Variants in TENT4B observed in about 807,000 individuals in gnomAD.
TENT4B encodes PAP associated domain containing 5.
TENT4B carries 10 observed loss-of-function variants against 75.0 expected under a neutral mutation model. That is an observed-to-expected ratio of 0.13 (90% CI 0.08 to 0.23). TENT4B has a LOEUF of 0.23. TENT4B is among the 10% of genes least tolerant of loss of function. The pLI, the probability that TENT4B is intolerant of heterozygous loss-of-function variation, is 1.00. For missense variants in TENT4B, 579 were observed against 893.8 expected, an observed-to-expected ratio of 0.65 and a Z score of 4.49; for synonymous variants, 350 against 357.7, an observed-to-expected ratio of 0.98 and a Z score of 0.24.
chr16:50,231,883 T>G lies in TENT4B; in HGVS notation c.*2555T>G. ...TTTCATCTATTTGACTCCTATCTTATTTCTTTTTTGAGTTTTAATACTTCC... is the reference window on the plus strand; with the variant it reads ...TTTCATCTATTTGACTCCTATCTTAGTTCTTTTTTGAGTTTTAATACTTCC... On this transcript the variant is annotated 3_prime_UTR_variant, in exon 12 of 12. Coordinates refer to ENST00000561678, the MANE Select transcript of TENT4B (RefSeq NM_001365324.3). 1.0e-6 allele frequency: 1 copy of G among 982,086 alleles called. No individual in the cohort carries two copies. Among genetic ancestry groups the G allele is most frequent in the Non-Finnish European group, 1.2e-6 (1 of 826,820 alleles). 60.8% of individuals were successfully genotyped at this position (982,086 alleles called of 1,614,324 possible). A position where few individuals can be genotyped will look rare whatever the true frequency, so the allele number is the denominator to read the frequency against.
intron 1 of TENT4B, among the ~76,000 whole-genome samples, chr16:50,189,237 AG>A (rs1364411077): frequency 5.3e-5 from 8 of 152,138 alleles, no homozygotes; most frequent in Non-Finnish European, 1.0e-4. Flanking sequence ...TTACCACATT[AG>A]TTTTTTTTAA....
Position 50,153,683 on chromosome 16 carries a change from T to G in TENT4B, c.62T>G (p.Met21Arg). The change falls in exon 1 of 12, where the codon ATG becomes AGG. Residue 21 changes from methionine to arginine, a missense_variant. Met to Arg is a moderately conservative substitution (Grantham distance 91). This residue lies in a region of TENT4B where 253 missense variants were observed against 270.1 expected (regional missense o/e 0.94). Transcript: ENST00000561678. ...EQLGPSNSLWMQIWETTQGLR... is the reference protein window; with the variant it reads ...EQLGPSNSLWRQIWETTQGLR... ...CTCGGACCGTCCAACAGTCTGTGGA[T>G]GCAGATCTGGGAGACGACCCAGGGG... 2.0e-6 allele frequency: 2 copies of G among 1,021,344 alleles called. No homozygotes were observed. Among genetic ancestry groups the G allele is most frequent in the Non-Finnish European group, 2.3e-6 (2 of 854,538 alleles). 63.3% of individuals were successfully genotyped at this position (1,021,344 alleles called of 1,614,324 possible).
At position 50,233,709 on chromosome 16, in the gene TENT4B, G is replaced by T; in HGVS notation, c.*4381G>T. On this transcript the variant is annotated 3_prime_UTR_variant, in exon 12 of 12. Coordinates refer to ENST00000561678, the MANE Select transcript of TENT4B (RefSeq NM_001365324.3). ...GGTTTTTTTAAAAAAAATGTGTTTG[G>T]CCTTTACATTTTCTACTTAAGTGTG... The T allele has an allele frequency of 1.0e-6, 1 of 984,690 alleles. No homozygotes were observed. The highest frequency in any genetic ancestry group is 1.7e-5 in the African/African-American group (1 of 57,202). The allele number at this position is 984,690 out of a possible 1,614,324, so 61.0% of individuals were successfully genotyped here.
rs1284927049 is a variant in TENT4B at position 50,153,455 on chromosome 16, C to T, written c.-167C>T. 4.7e-5 allele frequency: 44 copies of T among 942,008 alleles called. No individual in the cohort carries two copies. The highest frequency in any genetic ancestry group is 5.4e-5 in the Non-Finnish European group (43 of 793,358). 58.4% of individuals were successfully genotyped at this position (942,008 alleles called of 1,614,324 possible). A position where few individuals can be genotyped will look rare whatever the true frequency, so the allele number is the denominator to read the frequency against. On this transcript the variant is annotated 5_prime_UTR_variant, in exon 1 of 12. Coordinates refer to ENST00000561678, the MANE Select transcript of TENT4B (RefSeq NM_001365324.3). Reference sequence around the variant, plus strand: ...CGACGCCGCCGGCGCCGGCCGGGCTCCCTGCGCGACCGCGCCGCCCGCGGC... The same window carrying T: ...CGACGCCGCCGGCGCCGGCCGGGCTTCCTGCGCGACCGCGCCGCCCGCGGC...
In TENT4B at chr16:50,222,401, T is replaced by C. The variant is rs2031869359; in HGVS notation, c.1134T>C (p.Tyr378=). 1.2e-6 allele frequency: 2 copies of C among 1,613,390 alleles called. No homozygotes were observed. Among genetic ancestry groups the C allele is most frequent in the Non-Finnish European group, 1.7e-6 (2 of 1,179,670 alleles). Reference sequence around the variant, plus strand: ...TATTTACAGGTGGAATTGGTTCTTATAGTCTCTTTTTAATGGCAGTCAGTT... The same window carrying C: ...TATTTACAGGTGGAATTGGTTCTTACAGTCTCTTTTTAATGGCAGTCAGTT... ...NEVFTGGIGS[Y]SLFLMAVSFL... Residue 378 remains tyrosine (Y), a synonymous_variant, in exon 6 of 12, where the codon TAT becomes TAC. Coordinates refer to ENST00000561678, the MANE Select transcript of TENT4B (RefSeq NM_001365324.3).
upstream of TENT4B, chr16:50,152,969 G>T: frequency 6.6e-7 from 1 of 1,513,602 alleles, no homozygotes; most frequent in Non-Finnish European, 8.8e-7. Context: ...CCTCGTCCAC[G>T]CTCAGCACCG....
Position 50,229,340 on chromosome 16 carries a change from C to T in TENT4B, c.*12C>T, listed in dbSNP as rs752512535. ...ACCTCTGTAGATAGTCAGCGCTGCG[C>T]GGTGGACTGTCTTCTCTGTGCAATG... On this transcript the variant is annotated 3_prime_UTR_variant, in exon 12 of 12. Coordinates refer to ENST00000561678, the MANE Select transcript of TENT4B (RefSeq NM_001365324.3). 38 of 1,601,900 alleles carry T rather than the reference C, an allele frequency of 2.4e-5. No individual in the cohort carries two copies. In the South Asian group the frequency reaches 2.9e-4, roughly 12 times the overall value.
chr16:50,163,417 C>CTTTT (rs559720798), intron 1 of TENT4B, among the ~76,000 whole-genome samples: 3 of 132,982 alleles, frequency 2.3e-5, no homozygotes, highest in Non-Finnish European at 4.9e-5. Flanking sequence ...GATATAATTT[C>CTTTT]TTTTTTTTTT....
chr16:50,175,920 C>T (rs2038298950), intron 1 of TENT4B, among the ~76,000 whole-genome samples: 1 of 151,860 alleles, frequency 6.6e-6, no homozygotes, highest in South Asian at 2.1e-4. Context: ...GTAGCTGGGA[C>T]TACAGGTGAG....
chr16:50,213,564 T>C (rs1182091747), intron 2 of TENT4B, among the ~76,000 whole-genome samples: 1 of 152,182 alleles, frequency 6.6e-6, no homozygotes, highest in Non-Finnish European at 1.5e-5. Flanking sequence ...AGACTCCTGC[T>C]TAGAGAACAA....
chr16:50,227,765 AT>A, intron 10 of TENT4B, 73 bp from the exon 11 acceptor site: 1 of 1,538,622 alleles, frequency 6.5e-7, no homozygotes, highest in South Asian at 1.2e-5. Flanking sequence ...TTTAACCAAA[AT>A]TGTTTTTCTT....
chr16:50,212,848 A>G (rs541713357), intron 2 of TENT4B, among the ~76,000 whole-genome samples: 1 of 152,290 alleles, frequency 6.6e-6, no homozygotes, highest in East Asian at 1.9e-4. Flanking sequence ...AGGCCCTTAC[A>G]ACAAAGAATT....
chr16:50,159,032 G>T (rs999980677), intron 1 of TENT4B, among the ~76,000 whole-genome samples: 1 of 152,176 alleles, frequency 6.6e-6, no homozygotes, highest in African/African-American at 2.4e-5. Flanking sequence ...GGACCTGCTA[G>T]TGGGGAGCTG....
upstream of TENT4B, among the ~76,000 whole-genome samples, chr16:50,153,183 T>TGGGGGGGGGGGGG (rs760198722): frequency 4.7e-5 from 1 of 21,122 alleles, no homozygotes; most frequent in Admixed American, 4.3e-4. Context: ...GGCGGGGCGG[T>TGGGGGGGGGGGGG]GGGGGGGGGG....
At chr16:50,196,245 T>C (rs1410079098) in intron 1 of TENT4B, among the ~76,000 whole-genome samples, 1 of 152,226 alleles carries the variant, frequency 6.6e-6, no homozygotes, top group African/African-American at 2.4e-5. Flanking sequence ...GAAAATGTCA[T>C]CCTGTGATCT....
chr16:50,229,039 A>G (rs1047536290), intron 11 of TENT4B, 113 bp from the exon 12 acceptor site: 44 of 1,513,976 alleles, frequency 2.9e-5, no homozygotes, highest in Non-Finnish European at 3.8e-5. Context: ...CAGTAAGGTA[A>G]CAATCTAGCC....
At chr16:50,199,630 C>G (rs2030507724) in intron 1 of TENT4B, among the ~76,000 whole-genome samples, 1 of 152,176 alleles carries the variant, frequency 6.6e-6, no homozygotes, top group Non-Finnish European at 1.5e-5. Context: ...AGCATGTAAC[C>G]TTTTCAGATT....
chr16:50,160,315 C>T (rs1397570443), intron 1 of TENT4B, among the ~76,000 whole-genome samples: 1 of 152,106 alleles, frequency 6.6e-6, no homozygotes, highest in African/African-American at 2.4e-5. Context: ...CCCCCTTCGT[C>T]TTTGTGGACT....
chr16:50,202,636 C>G (rs2030720331), intron 1 of TENT4B, among the ~76,000 whole-genome samples: 1 of 152,006 alleles, frequency 6.6e-6, no homozygotes, highest in South Asian at 2.1e-4. Context: ...CTAACTTTGC[C>G]CAAATTTGGT....
Sources: gnomAD v4.1 joint callset for allele counts (sites outside exome capture counted in the v4.1 genomes callset) on GRCh38, gnomAD v4.1.1 for gene constraint, gnomAD v4.1.1 regional missense constraint, MANE v1.5 for transcripts, NCBI Gene and HGNC (gene_info 2026-07-23, HGNC 2026-07-21) for gene names.